The following NHS variants were observed in gnomAD, a reference collection of about 807,000 sequenced individuals.
The protein encoded by NHS is NHS actin remodeling regulator.
In NHS, 5 loss-of-function variants were observed where a neutral mutation model predicts 72.5. That is an observed-to-expected ratio of 0.07 (90% confidence interval 0.04 to 0.14). The LOEUF is 0.14. Ranked by LOEUF, NHS falls within the 10% of genes least tolerant of loss-of-function variation. The probability of loss-of-function intolerance (pLI) is 1.00; values close to 1 mark genes in which losing one functional copy is unlikely to be tolerated. For synonymous variants in NHS, 464 were observed against 547.7 expected, an observed-to-expected ratio of 0.85 and a Z score of 2.13; for missense variants, 1,072 against 1,355.7, an observed-to-expected ratio of 0.79 and a Z score of 3.29.
At chrX:17,543,471 T>C (rs2065274937) in intron 1 of NHS, among the ~76,000 whole-genome samples, 1 of 111,896 alleles carries the variant, frequency 8.9e-6, no homozygotes, top group Non-Finnish European at 1.9e-5. Flanking sequence ...TGACGCTACT[T>C]AGAAGTCAGA....
At chrX:17,638,102 C>A (rs956264058) in intron 1 of NHS, among the ~76,000 whole-genome samples, 2 of 111,748 alleles carry the variant, frequency 1.8e-5, no homozygotes, top group Admixed American at 9.5e-5. Flanking sequence ...GAAACACAGA[C>A]CCTTATGCCA....
intron 1 of NHS, among the ~76,000 whole-genome samples, chrX:17,592,092 ACTGTATAC>A (rs1288615096): frequency 9.0e-6 from 1 of 111,230 alleles, no homozygotes; most frequent in African/African-American, 3.3e-5. Flanking sequence ...TGTAATAATC[ACTGTATAC>A]CTGTCTATCT....
intron 1 of NHS, among the ~76,000 whole-genome samples, chrX:17,489,560 T>A (rs1272439058): frequency 8.9e-6 from 1 of 112,173 alleles, no homozygotes; most frequent in Non-Finnish European, 1.9e-5. Flanking sequence ...CTATCTCAGC[T>A]CACTGAAAGC....
At chrX:17,478,584 C>T (rs2064931685) in intron 1 of NHS, among the ~76,000 whole-genome samples, 1 of 111,820 alleles carries the variant, frequency 8.9e-6, no homozygotes, top group African/African-American at 3.3e-5. Flanking sequence ...CTCCCAATAC[C>T]TAGGACTTTG....
chrX:17,445,518 A>G (rs1479735357), intron 1 of NHS, among the ~76,000 whole-genome samples: 1 of 110,924 alleles, frequency 9.0e-6, no homozygotes, highest in Admixed American at 9.6e-5. Context: ...AGATTGTTCT[A>G]GGGAAGAATT....
At chrX:17,451,656 G>C (rs2064805769) in intron 1 of NHS, among the ~76,000 whole-genome samples, 1 of 111,750 alleles carries the variant, frequency 8.9e-6, no homozygotes, top group Non-Finnish European at 1.9e-5. Flanking sequence ...AGTTCTAATA[G>C]CAATTCTCCC....
chrX:17,388,046 G>T (rs1234968320), intron 1 of NHS, among the ~76,000 whole-genome samples: 2 of 112,670 alleles, frequency 1.8e-5, no homozygotes, highest in Non-Finnish European at 3.7e-5. Context: ...AATGCTGTGT[G>T]TCTCTGCATG....
rs756586774 is a variant in NHS, at chrX:17,382,197, A to G, written c.565+5875A>G. 3.6e-5 allele frequency among the ~76,000 whole-genome samples: 4 copies of G among 111,716 alleles called. 1 individual carries two copies. The South Asian group carries it at 1.5e-3, about 42-fold the overall frequency. ...AAATCATGTGTCGTGGTGGTTTGGT[A>G]TACAAATTATTTCATCGCCCAGGTA... is the stretch of plus-strand genomic sequence containing the variant. On this transcript the variant is annotated intron_variant, in intron 1 of 8. Coordinates refer to ENST00000676302, the MANE Select transcript of NHS (RefSeq NM_001291867.2).
At chrX:17,421,890 TTTAA>T (rs2064625764) in intron 1 of NHS, among the ~76,000 whole-genome samples, 1 of 111,590 alleles carries the variant, frequency 9.0e-6, no homozygotes, top group Non-Finnish European at 1.9e-5. Context: ...ACTTTTTATT[TTTAA>T]TTAATGTTTT....
At chrX:17,412,128 T>G (rs955576440) in intron 1 of NHS, among the ~76,000 whole-genome samples, 3 of 110,304 alleles carry the variant, frequency 2.7e-5, no homozygotes, top group African/African-American at 9.9e-5. Context: ...TGTGCATATA[T>G]GAAGCTCTTG....
intron 1 of NHS, among the ~76,000 whole-genome samples, chrX:17,504,851 T>G (rs1244083377): frequency 4.5e-5 from 5 of 111,846 alleles, no homozygotes; most frequent in Non-Finnish European, 9.4e-5. Flanking sequence ...TTAAAATACA[T>G]GTACACTGTT....
At chrX:17,470,285 G>A (rs755242555) in intron 1 of NHS, among the ~76,000 whole-genome samples, 73 of 110,571 alleles carry the variant, frequency 6.6e-4, no homozygotes, top group Non-Finnish European at 7.6e-4. Flanking sequence ...CCAAACCAGA[G>A]TACTCTACTC....
intron 1 of NHS, among the ~76,000 whole-genome samples, chrX:17,469,173 T>C (rs1335329604): frequency 1.8e-5 from 2 of 112,232 alleles, no homozygotes; most frequent in African/African-American, 6.5e-5. Flanking sequence ...CCATATTCCA[T>C]TCCATGGTGT....
At chrX:17,544,500 CTTTATTTA>C (rs781409634) in intron 1 of NHS, among the ~76,000 whole-genome samples, 2 of 111,787 alleles carry the variant, frequency 1.8e-5, no homozygotes, top group Admixed American at 9.5e-5. Flanking sequence ...AATAAAAATA[CTTTATTTA>C]TTTATTTATT....
At chrX:17,593,144 T>C (rs916525506) in intron 1 of NHS, among the ~76,000 whole-genome samples, 2 of 111,405 alleles carry the variant, frequency 1.8e-5, no homozygotes, top group African/African-American at 6.5e-5. Context: ...AAGTAGGATA[T>C]GAGTTCAAGT....
At chrX:17,723,770 T>TGTGGGCGC (rs541219770) in intron 5 of NHS, among the ~76,000 whole-genome samples, 1 of 91,337 alleles carries the variant, frequency 1.1e-5, no homozygotes, top group Non-Finnish European at 2.1e-5. Context: ...TGTGTGTGTG[T>TGTGGGCGC]GCGCGCGCGT....
chrX:17,665,787 G>A, intron 1 of NHS, among the ~76,000 whole-genome samples: 1 of 112,089 alleles, frequency 8.9e-6, no homozygotes, highest in Non-Finnish European at 1.9e-5. Context: ...AGCCATCTGG[G>A]TCTGGAATTT....
intron 1 of NHS, among the ~76,000 whole-genome samples, chrX:17,391,796 T>C (rs944608810): frequency 4.5e-5 from 5 of 112,144 alleles, no homozygotes; most frequent in African/African-American, 1.6e-4. Context: ...TTTGCCATCA[T>C]GGAAGTGGTG....
At chrX:17,434,717 A>G (rs1427383558) in intron 1 of NHS, among the ~76,000 whole-genome samples, 2 of 111,146 alleles carry the variant, frequency 1.8e-5, no homozygotes, top group Non-Finnish European at 3.8e-5. Flanking sequence ...TGCTGGGATT[A>G]TAGCCGTGAG....
Sources: gnomAD v4.1 joint callset for allele counts (sites outside exome capture counted in the v4.1 genomes callset) on GRCh38, gnomAD v4.1.1 for gene constraint, MANE v1.5 for transcripts, NCBI Gene and HGNC (gene_info 2026-07-23, HGNC 2026-07-21) for gene names.